The following DSCAM variants were observed in gnomAD, a reference collection of about 807,000 sequenced individuals.
The protein encoded by DSCAM is DS cell adhesion molecule, also known as cell adhesion molecule DSCAM.
Under a neutral mutation model 217.7 loss-of-function variants are expected in DSCAM, and 47 were observed. That is an observed-to-expected ratio of 0.22 (90% CI 0.17 to 0.28). The LOEUF is 0.28. Among genes scored for constraint, DSCAM ranks in the 10% least tolerant of loss-of-function variants. DSCAM has a pLI of 1.00. For synonymous variants in DSCAM, 1,056 were observed against 1,015.3 expected, an observed-to-expected ratio of 1.04 and a Z score of -0.76; for missense variants, 2,080 against 2,618.3, an observed-to-expected ratio of 0.79 and a Z score of 4.49.
chr21:40,379,641 T>C (rs564497370), intron 3 of DSCAM, among the ~76,000 whole-genome samples: 1 of 152,314 alleles, frequency 6.6e-6, no homozygotes, highest in South Asian at 2.1e-4. Flanking sequence ...GATTTGGGTG[T>C]CAGAGCTGCC....
chr21:40,268,925 G>A (rs771160488), intron 11 of DSCAM, among the ~76,000 whole-genome samples: 2 of 152,140 alleles, frequency 1.3e-5, no homozygotes, highest in African/African-American at 4.8e-5. Flanking sequence ...CCAGGTCCGA[G>A]TGCTGCCATC....
intron 15 of DSCAM, among the ~76,000 whole-genome samples, chr21:40,173,663 T>G (rs1032565881): frequency 2.0e-5 from 3 of 152,152 alleles, no homozygotes; most frequent in African/African-American, 7.2e-5. Context: ...CTCCTGACTT[T>G]TATTCCTTCT....
chr21:40,154,244 CTCTT>C (rs1399122000), intron 16 of DSCAM, among the ~76,000 whole-genome samples: 8 of 147,222 alleles, frequency 5.4e-5, no homozygotes, highest in Admixed American at 1.4e-4. Flanking sequence ...CCTTCCTTCC[CTCTT>C]TTTCTTTTAT....
At chr21:40,030,338 A>G (rs571358740) in intron 32 of DSCAM, among the ~76,000 whole-genome samples, 2 of 152,292 alleles carry the variant, frequency 1.3e-5, no homozygotes, top group East Asian at 3.9e-4. Flanking sequence ...AAACAAACAA[A>G]TAGTATCGTT....
Position 40,433,346 on chromosome 21 carries a change from T to TAAA in DSCAM, c.509-64104_509-64102dup, listed in dbSNP as rs10678618. On this transcript the variant is annotated intron_variant, in intron 3 of 32. Transcript: ENST00000400454. Reference sequence around the variant, plus strand: ...TTGGGTGACAGAGTAAGACTCCGTCTAAAAAAAAAAAAAAAAAAAAAGAGC... The same window carrying TAAA: ...TTGGGTGACAGAGTAAGACTCCGTCTAAAAAAAAAAAAAAAAAAAAAAAAGAGC... 7.3e-3 allele frequency among the ~76,000 whole-genome samples: 687 copies of TAAA among 93,640 alleles called. 17 individuals carry two copies. The highest frequency in any genetic ancestry group is 0.028 in the Middle Eastern group (4 of 142). 61.4% of individuals were successfully genotyped at this position (93,640 alleles called of 152,430 possible).
At chr21:40,748,440 C>G (rs1252831830) in intron 1 of DSCAM, among the ~76,000 whole-genome samples, 1 of 151,782 alleles carries the variant, frequency 6.6e-6, no homozygotes, top group Non-Finnish European at 1.5e-5. Flanking sequence ...ATGCCAATAG[C>G]AAACTATTTG....
chr21:40,467,749 A>G (rs2075856404), intron 3 of DSCAM, among the ~76,000 whole-genome samples: 1 of 152,264 alleles, frequency 6.6e-6, no homozygotes, highest in South Asian at 2.1e-4. Flanking sequence ...GGATTTTATA[A>G]GCAATTTTAA....
intron 1 of DSCAM, among the ~76,000 whole-genome samples, chr21:40,732,821 G>A (rs755546439): frequency 1.2e-4 from 19 of 152,292 alleles, no homozygotes; most frequent in Non-Finnish European, 2.5e-4. Context: ...GGTACTTTGT[G>A]CGAGTCCTGG....
intron 1 of DSCAM, among the ~76,000 whole-genome samples, chr21:40,821,393 G>GCGCACACACA (rs375566271): frequency 2.1e-5 from 3 of 146,236 alleles, no homozygotes; most frequent in East Asian, 4.1e-4. Flanking sequence ...ACACACGCGC[G>GCGCACACACA]CACACACACA....
chr21:40,303,034 C>T (rs1033110217), intron 9 of DSCAM, among the ~76,000 whole-genome samples: 11 of 152,082 alleles, frequency 7.2e-5, no homozygotes, highest in African/African-American at 2.4e-4. Context: ...AGCTGTAAAC[C>T]TGGGCAGAAA....
chr21:40,453,615 T>C (rs1320652408), intron 3 of DSCAM, among the ~76,000 whole-genome samples: 2 of 152,200 alleles, frequency 1.3e-5, no homozygotes, highest in Non-Finnish European at 2.9e-5. Context: ...GAGCATTGCT[T>C]AGTACTAATG....
intron 16 of DSCAM, among the ~76,000 whole-genome samples, chr21:40,153,769 G>A (rs770569803): frequency 6.6e-5 from 10 of 152,190 alleles, no homozygotes; most frequent in Non-Finnish European, 1.3e-4. Context: ...GGGGATACCA[G>A]TGCTCCCTGA....
chr21:40,536,243 A>G (rs2076495272), intron 3 of DSCAM, among the ~76,000 whole-genome samples: 1 of 152,102 alleles, frequency 6.6e-6, no homozygotes, highest in South Asian at 2.1e-4. Flanking sequence ...GTGACCCCCT[A>G]AATTCCTATG....
chr21:40,844,751 G>C (rs980849225), intron 1 of DSCAM, among the ~76,000 whole-genome samples: 1 of 151,254 alleles, frequency 6.6e-6, no homozygotes, highest in African/African-American at 2.5e-5. Context: ...CTCTGTATCA[G>C]AGGCTAATAG....
chr21:40,512,591 T>G (rs1601704520), intron 3 of DSCAM, among the ~76,000 whole-genome samples: 1 of 152,180 alleles, frequency 6.6e-6, no homozygotes, highest in Non-Finnish European at 1.5e-5. Flanking sequence ...GGTCAGAATA[T>G]TCTTAGCAGA....
At chr21:40,579,326 G>A (rs547128137) in intron 3 of DSCAM, among the ~76,000 whole-genome samples, 70 of 152,058 alleles carry the variant, frequency 4.6e-4, no homozygotes, top group Middle Eastern at 3.4e-3. Context: ...AAAAGAAGCA[G>A]TGAGGAAAAA....
At chr21:40,229,362 A>C (rs984806604) in intron 11 of DSCAM, among the ~76,000 whole-genome samples, 1 of 152,264 alleles carries the variant, frequency 6.6e-6, no homozygotes, top group African/African-American at 2.4e-5. Flanking sequence ...AATTTTAATT[A>C]CATTTTAATT....
At chr21:40,143,357 G>T (rs2090315321) in intron 17 of DSCAM, among the ~76,000 whole-genome samples, 2 of 152,118 alleles carry the variant, frequency 1.3e-5, no homozygotes, top group Non-Finnish European at 2.9e-5. Flanking sequence ...GAGCATTGAA[G>T]CAAAAACAAA....
chr21:40,258,246 T>C (rs538916321), intron 11 of DSCAM, among the ~76,000 whole-genome samples: 70 of 152,272 alleles, frequency 4.6e-4, no homozygotes, highest in African/African-American at 1.6e-3. Context: ...ATGTCTGGCA[T>C]CAGCTCTCCT....
Sources: allele counts gnomAD v4.1 joint callset (sites outside exome capture counted in the v4.1 genomes callset), GRCh38; gene constraint gnomAD v4.1.1; transcripts MANE v1.5; gene names NCBI Gene and HGNC (gene_info 2026-07-23, HGNC 2026-07-21).